The following OPCML variants were observed in gnomAD, a reference collection of about 807,000 sequenced individuals.
OPCML encodes the protein opioid-binding protein/cell adhesion molecule.
In OPCML, 13 loss-of-function variants were observed where a neutral mutation model predicts 37.8. That is an observed-to-expected ratio of 0.34 (90% CI 0.22 to 0.55). The LOEUF (loss-of-function observed/expected upper bound fraction) is 0.55, where lower values mean the gene tolerates loss of function less well. OPCML is among the 20% of genes least tolerant of loss of function. The pLI is 0.91. For missense variants in OPCML, 341 were observed against 435.6 expected (o/e 0.78, Z 1.93); for synonymous variants, 176 against 168.8 (o/e 1.04, Z -0.33).
intron 2 of OPCML, among the ~76,000 whole-genome samples, chr11:132,867,499 C>T (rs1425103314): frequency 2.0e-5 from 3 of 152,032 alleles, no homozygotes; most frequent in African/African-American, 4.8e-5. Flanking sequence ...AAAGTTAAGC[C>T]CTCTGCCAGC....
At chr11:132,668,619 C>T (rs1942326247) in intron 2 of OPCML, among the ~76,000 whole-genome samples, 1 of 152,182 alleles carries the variant, frequency 6.6e-6, no homozygotes, top group Non-Finnish European at 1.5e-5. Context: ...GCTCTATGAT[C>T]TAAGAGTGCA....
rs1192508910 is a variant in OPCML at position 132,419,971 on chromosome 11, A to G, written c.*222T>C. ...CCATTTTTGGACACACCAATGAATG[A>G]TTATCCTACACGTGGTAGAACCCTG... On this transcript the variant is annotated 3_prime_UTR_variant, in exon 8 of 8. Transcript: ENST00000524381. 3 of 517,808 alleles carry G rather than the reference A, an allele frequency of 5.8e-6. No individual in the cohort carries two copies. The highest frequency in any genetic ancestry group is 1.0e-5 in the Non-Finnish European group (3 of 290,942). The allele number at this position is 517,808 out of a possible 1,614,324, so 32.1% of individuals were successfully genotyped here.
At position 132,604,367 on chromosome 11, in the gene OPCML, A is replaced by G. The variant is rs77277380; in HGVS notation, c.379+52720T>C. 1.2e-3 allele frequency among the ~76,000 whole-genome samples: 185 copies of G among 152,072 alleles called. 1 individual carries two copies. Among genetic ancestry groups the G allele is most frequent in the African/African-American group, 4.1e-3 (172 of 41,462 alleles). ...CATCTATTTGCCCGCCCTCAACCCTAACAGGCCCCTGAGCTTTTCCTAAGA... is the reference window on the plus strand; with the variant it reads ...CATCTATTTGCCCGCCCTCAACCCTGACAGGCCCCTGAGCTTTTCCTAAGA... On this transcript the variant is annotated intron_variant, in intron 3 of 7. Coordinates refer to ENST00000524381, the MANE Select transcript of OPCML (RefSeq NM_001012393.5).
intron 3 of OPCML, among the ~76,000 whole-genome samples, chr11:132,626,733 T>C (rs1939764913): frequency 6.6e-6 from 1 of 151,530 alleles, no homozygotes; most frequent in Non-Finnish European, 1.5e-5. Flanking sequence ...CAAGCTGCCC[T>C]GAGTTTTGGA....
chr11:132,442,168 A>G (rs1263324744), intron 4 of OPCML, among the ~76,000 whole-genome samples: 1 of 152,232 alleles, frequency 6.6e-6, no homozygotes, highest in Non-Finnish European at 1.5e-5. Context: ...TCATGGGGCC[A>G]GGACTCAAAG....
intron 1 of OPCML, chr11:133,422,939 G>C (rs1460502640): frequency 1.0e-6 from 1 of 985,140 alleles, no homozygotes; most frequent in Non-Finnish European, 1.2e-6. Context: ...ACTGGGGCTA[G>C]AACAAAATGC....
At chr11:132,439,601 T>G (rs1362298432) in intron 4 of OPCML, among the ~76,000 whole-genome samples, 5 of 152,046 alleles carry the variant, frequency 3.3e-5, no homozygotes, top group Non-Finnish European at 7.4e-5. Context: ...TTAAATGAAA[T>G]TTAACAAAGA....
At chr11:133,286,330 C>T (rs1306028692) in intron 1 of OPCML, among the ~76,000 whole-genome samples, 2 of 151,800 alleles carry the variant, frequency 1.3e-5, no homozygotes, top group South Asian at 2.1e-4. Context: ...ATAAGCCGGG[C>T]GTGGTGGCGG....
chr11:133,097,151 G>A (rs999150533), intron 1 of OPCML, among the ~76,000 whole-genome samples: 1 of 152,116 alleles, frequency 6.6e-6, no homozygotes, highest in African/African-American at 2.4e-5. Flanking sequence ...ATCCAGAACT[G>A]AAAACATACC....
At chr11:132,882,789 T>C (rs1943264697) in intron 2 of OPCML, among the ~76,000 whole-genome samples, 1 of 151,988 alleles carries the variant, frequency 6.6e-6, no homozygotes, top group Admixed American at 6.6e-5. Flanking sequence ...TGAGAAGCAG[T>C]AGAAATGTAA....
intron 1 of OPCML, among the ~76,000 whole-genome samples, chr11:133,295,304 T>A (rs1942601466): frequency 6.6e-6 from 1 of 152,222 alleles, no homozygotes; most frequent in African/African-American, 2.4e-5. Flanking sequence ...TAAAAATTTC[T>A]TCATTGATAG....
At chr11:133,271,187 C>A (rs555947179) in intron 1 of OPCML, among the ~76,000 whole-genome samples, 4 of 152,210 alleles carry the variant, frequency 2.6e-5, no homozygotes, top group Admixed American at 1.3e-4. Flanking sequence ...GGTGATAATG[C>A]CTACCTCAAA....
chr11:133,188,380 C>T (rs1938175386), intron 1 of OPCML, among the ~76,000 whole-genome samples: 1 of 152,202 alleles, frequency 6.6e-6, no homozygotes, highest in African/African-American at 2.4e-5. Flanking sequence ...TTACTAAATA[C>T]TTCTCTGAGG....
At chr11:132,587,622 T>C (rs778641252) in intron 3 of OPCML, among the ~76,000 whole-genome samples, 1 of 152,186 alleles carries the variant, frequency 6.6e-6, no homozygotes, top group Admixed American at 6.5e-5. Flanking sequence ...TGACAGGGCA[T>C]CCTTCACAAT....
At chr11:133,082,871 G>A (rs1045699625) in intron 1 of OPCML, among the ~76,000 whole-genome samples, 1 of 149,958 alleles carries the variant, frequency 6.7e-6, no homozygotes, top group Non-Finnish European at 1.5e-5. Context: ...CCTCCGAGCC[G>A]ACCTCGTCCC....
At chr11:132,951,443 G>T (rs1364983783) in intron 1 of OPCML, among the ~76,000 whole-genome samples, 1 of 152,064 alleles carries the variant, frequency 6.6e-6, no homozygotes, top group Non-Finnish European at 1.5e-5. Flanking sequence ...AAGGGATTAG[G>T]GCCCCATCCT....
chr11:132,495,929 A>G (rs2096229917), intron 4 of OPCML, among the ~76,000 whole-genome samples: 1 of 151,800 alleles, frequency 6.6e-6, no homozygotes, highest in Non-Finnish European at 1.5e-5. Context: ...TCTAAGTGAT[A>G]GTTAAGCCAA....
intron 1 of OPCML, among the ~76,000 whole-genome samples, chr11:133,135,815 A>G (rs1949680829): frequency 2.6e-5 from 4 of 152,218 alleles, no homozygotes; most frequent in Non-Finnish European, 4.4e-5. Flanking sequence ...AAATAGCGGA[A>G]CCAAAAGTAG....
intron 4 of OPCML, among the ~76,000 whole-genome samples, chr11:132,524,745 G>A (rs1006321324): frequency 2.0e-5 from 3 of 152,106 alleles, no homozygotes; most frequent in Non-Finnish European, 2.9e-5. Flanking sequence ...ATGAGAGGTC[G>A]ACAGGGCTCC....
Sources: allele counts gnomAD v4.1 joint callset (sites outside exome capture counted in the v4.1 genomes callset), GRCh38; gene constraint gnomAD v4.1.1; transcripts MANE v1.5; gene names NCBI Gene and HGNC (gene_info 2026-07-23, HGNC 2026-07-21).